Variants in FEZ1 observed in about 807,000 individuals in gnomAD.
The protein encoded by FEZ1 is fasciculation and elongation protein zeta-1.
In FEZ1, 20 loss-of-function variants were observed where a neutral mutation model predicts 49.3. The observed-to-expected ratio is 0.41, with a 90% CI of 0.29 to 0.59. The LOEUF (loss-of-function observed/expected upper bound fraction) is 0.59, where lower values mean the gene tolerates loss of function less well. Ranked by LOEUF, FEZ1 falls within the 20% of genes least tolerant of loss-of-function variation. FEZ1 has a pLI of 0.36. For synonymous variants in FEZ1, 170 were observed against 180.9 expected (o/e 0.94, Z 0.48); for missense variants, 413 against 476.0 (o/e 0.87, Z 1.23).
At chr11:125,482,126 C>T (rs910913585) in intron 2 of FEZ1, among the ~76,000 whole-genome samples, 1 of 152,118 alleles carries the variant, frequency 6.6e-6, no homozygotes, top group East Asian at 1.9e-4. Context: ...GAATCATTAT[C>T]TAGTTTATAA....
rs897651521 is a variant in FEZ1 at position 125,457,660 on chromosome 11, T to G, written c.668-1554A>C. On this transcript the variant is annotated intron_variant, in intron 5 of 9. Transcript: ENST00000278919. ...TTAATTTTTGTGGGTACATAGGGGG[T>G]GTATGTGTTTATGGAGCACATGAGA... Among the ~76,000 whole-genome samples the G allele has an allele frequency of 4.2e-4, 63 of 151,402 alleles. No homozygotes were observed. The South Asian group carries it at 7.5e-3, about 18-fold the overall frequency.
At chr11:125,492,287 C>A (rs1008370740) in intron 1 of FEZ1, among the ~76,000 whole-genome samples, 9 of 152,214 alleles carry the variant, frequency 5.9e-5, no homozygotes, top group Non-Finnish European at 1.3e-4. Flanking sequence ...AATTGCCAGT[C>A]AGGGGTTCTT....
Position 125,489,544 on chromosome 11 carries a change from G to A in FEZ1, c.234C>T (p.Asn78=), listed in dbSNP as rs768255715. 2.0e-5 allele frequency: 33 copies of A among 1,613,998 alleles called. No homozygotes were observed. The highest frequency in any genetic ancestry group is 4.5e-5 in the East Asian group (2 of 44,896). The change falls in exon 2 of 10, where the codon AAC becomes AAT. Residue 78 remains asparagine (N), a synonymous_variant. Coordinates refer to ENST00000278919, the MANE Select transcript of FEZ1 (RefSeq NM_005103.5). This position sits in a 1 kb window ranked among gnomAD's most constrained non-coding sequence, Gnocchi z 4.2. ...EKLNVCFRNY[N]AKTENLAPVK... ...CGGGAGCTAGGTTCTCGGTCTTGGC[G>A]TTGTAGTTCCGAAAGCAGACATTGA...
chr11:125,446,158 G>A, intron 9 of FEZ1, 47 bp from the exon 10 acceptor site: 2 of 1,606,756 alleles, frequency 1.2e-6, no homozygotes, highest in Non-Finnish European at 1.7e-6. Flanking sequence ...CACAGTTGCA[G>A]GTGGGGACCT....
rs1957449139 is a variant in FEZ1, at chr11:125,495,344, G to A, written c.-46+777C>T. On this transcript the variant is annotated intron_variant, in intron 1 of 9. Transcript: ENST00000278919. This position sits in a 1 kb window ranked among gnomAD's most constrained non-coding sequence, Gnocchi z 4.2. ...AGAGTCGGGGATGCCTAGCGGCGAG[G>A]AGAGAAGGGATAGGCAAAAGGGAAG... 1 of 469,582 alleles carries A rather than the reference G, an allele frequency of 2.1e-6. No homozygotes were observed. The highest frequency in any genetic ancestry group is 2.0e-5 in the African/African-American group (1 of 50,046). The allele number at this position is 469,582 out of a possible 1,614,324, so 29.1% of individuals were successfully genotyped here. A position where few individuals can be genotyped will look rare whatever the true frequency, so the allele number is the denominator to read the frequency against.
intron 2 of FEZ1, chr11:125,488,771 T>C (rs560986266): frequency 1.0e-6 from 1 of 985,400 alleles, no homozygotes; most frequent in Non-Finnish European, 1.2e-6. Context: ...AAGACATCCT[T>C]CTTTAATTTG....
At chr11:125,490,609 G>C (rs1345505384) in intron 1 of FEZ1, among the ~76,000 whole-genome samples, 1 of 152,080 alleles carries the variant, frequency 6.6e-6, no homozygotes, top group Non-Finnish European at 1.5e-5. Context: ...TGTAATCCCA[G>C]CACTTTGGGA....
chr11:125,457,637 A>C (rs1957031670), intron 5 of FEZ1, among the ~76,000 whole-genome samples: 1 of 151,486 alleles, frequency 6.6e-6, no homozygotes, highest in South Asian at 2.1e-4. Context: ...TTTAATTTTT[A>C]ATTTTTGTGG....
At chr11:125,458,036 G>C (rs1411280388) in intron 5 of FEZ1, among the ~76,000 whole-genome samples, 2 of 152,160 alleles carry the variant, frequency 1.3e-5, no homozygotes, top group East Asian at 3.9e-4. Context: ...TTGTGTGGCT[G>C]GGAAGGGCCT....
intron 8 of FEZ1, among the ~76,000 whole-genome samples, chr11:125,449,746 A>T (rs1445562334): frequency 6.6e-6 from 1 of 152,212 alleles, no homozygotes; most frequent in East Asian, 1.9e-4. Context: ...GTCAGAAGGC[A>T]GCTGCAACAG....
chr11:125,494,046 T>C (rs751290472), intron 1 of FEZ1, among the ~76,000 whole-genome samples: 16 of 152,266 alleles, frequency 1.1e-4, no homozygotes, highest in Admixed American at 6.5e-5. Context: ...GCTCTAGGGT[T>C]CAGACACATG....
At chr11:125,456,328 G>C (rs759502824) in intron 5 of FEZ1, 21 of 431,514 alleles carry the variant, frequency 4.9e-5, no homozygotes, top group Non-Finnish European at 7.3e-5. Flanking sequence ...AGGAAACAAA[G>C]GAGGAAGAAG....
At chr11:125,472,215 T>C (rs193056068) in intron 3 of FEZ1, among the ~76,000 whole-genome samples, 2 of 152,090 alleles carry the variant, frequency 1.3e-5, no homozygotes, top group Admixed American at 1.3e-4. Context: ...ATTAAACTCC[T>C]ACTAAGTAGA....
intron 6 of FEZ1, 186 bp from the exon 7 acceptor site, chr11:125,454,396 G>A (rs1956987564): frequency 4.3e-6 from 2 of 459,896 alleles, no homozygotes; most frequent in Non-Finnish European, 7.6e-6. Context: ...AGAATAAACA[G>A]AGTCTCAAGA....
At chr11:125,452,537 C>G in intron 7 of FEZ1, 128 bp from the exon 8 acceptor site, 1 of 631,138 alleles carries the variant, frequency 1.6e-6, no homozygotes, top group East Asian at 2.8e-5. Flanking sequence ...GTCACTGGTA[C>G]GTCACTGTTT....
At position 125,454,194 on chromosome 11, in the gene FEZ1, C is replaced by T; in HGVS notation, c.956G>A (p.Gly319Asp). The T allele has an allele frequency of 1.2e-6, 2 of 1,613,500 alleles. No homozygotes were observed. Among genetic ancestry groups the T allele is most frequent in the Non-Finnish European group, 8.5e-7 (1 of 1,179,738 alleles). Reference sequence around the variant, plus strand: ...GCCACTCTGCAGAATGTTGGAGATGCCTTCCATGCTGAAGCGCTGTGGGGG... The same window carrying T: ...GCCACTCTGCAGAATGTTGGAGATGTCTTCCATGCTGAAGCGCTGTGGGGG... ...QMPLKRFSME[G>D]ISNILQSGIR... The change falls in exon 7 of 10, where the codon GGC (glycine) becomes GAC (aspartate). Residue 319 changes from glycine (G) to aspartate (D), a missense_variant. Physicochemically the swap from Gly to Asp is moderately conservative, Grantham distance 94. Coordinates refer to ENST00000278919, the MANE Select transcript of FEZ1 (RefSeq NM_005103.5).
chr11:125,462,903 G>A (rs1412599308), intron 4 of FEZ1, among the ~76,000 whole-genome samples: 1 of 151,868 alleles, frequency 6.6e-6, no homozygotes, highest in Non-Finnish European at 1.5e-5. Flanking sequence ...AGGGGCCTGA[G>A]GCGGGAGGAT....
At chr11:125,483,369 T>TATTCCTTTTTTCCTACC (rs1383784406) in intron 2 of FEZ1, among the ~76,000 whole-genome samples, 1 of 152,208 alleles carries the variant, frequency 6.6e-6, no homozygotes, top group Non-Finnish European at 1.5e-5. Context: ...GCTTATTCAT[T>TATTCCTTTTTTCCTACC]ATTTTCCTAC....
Position 125,457,543 on chromosome 11 carries a change from C to T in FEZ1, c.668-1437G>A, listed in dbSNP as rs375432814. On this transcript the variant is annotated intron_variant, in intron 5 of 9. Transcript: ENST00000278919. The stretch of plus-strand genomic sequence containing the variant: ...ATATAATTTGAAAAAATAAAATATA[C>T]TTGGGAAACATCTTTTAAAATGTGT... Among the ~76,000 whole-genome samples, 58 of 105,406 alleles carry T rather than the reference C, an allele frequency of 5.5e-4. No homozygotes were observed. In the South Asian group the frequency reaches 8.3e-3, roughly 15 times the overall value. 69.2% of individuals were successfully genotyped at this position (105,406 alleles called of 152,430 possible). A position where few individuals can be genotyped will look rare whatever the true frequency, so the allele number is the denominator to read the frequency against.
Sources: gnomAD v4.1 joint callset for allele counts (sites outside exome capture counted in the v4.1 genomes callset) on GRCh38, gnomAD v4.1.1 for gene constraint, Gnocchi (gnomAD v3.1) non-coding constraint, MANE v1.5 for transcripts, NCBI Gene and HGNC (gene_info 2026-07-23, HGNC 2026-07-21) for gene names.